CEBPZOS: variants seen among roughly 807,000 people sequenced by gnomAD.
CEBPZOS encodes protein CEBPZOS.
A neutral mutation model predicts 4.8 loss-of-function variants in CEBPZOS; 10 were observed. The observed-to-expected ratio is 2.07, with a 90% confidence interval of 1.28 to 3.52. CEBPZOS has a LOEUF of 3.52. Ranked by LOEUF, CEBPZOS falls within the 30% of genes most tolerant of loss-of-function variation. The pLI is 0.00. For synonymous variants in CEBPZOS, 25 were observed against 14.2 expected (o/e 1.77, Z -1.72); for missense variants, 98 against 43.6 (o/e 2.25, Z -3.51).
chr2:37,201,848 A>G lies in CEBPZOS; in HGVS notation c.*3-15A>G. On this transcript the variant is annotated splice_polypyrimidine_tract_variant and intron_variant, in intron 4 of 4. Transcript: ENST00000402297. ...TCTTTTTCTTGATGATACTTTTTGC[A>G]TCTCTGTTGTGTAGCCAGTCATCAC... The G allele has an allele frequency of 6.2e-7, 1 of 1,613,060 alleles. No homozygotes were observed. Among genetic ancestry groups the G allele is most frequent in the Non-Finnish European group, 8.5e-7 (1 of 1,179,328 alleles).
intron 1 of CEBPZOS, 148 bp from the exon 2 acceptor site, chr2:37,199,556 A>G: frequency 2.1e-6 from 1 of 480,588 alleles, no homozygotes; most frequent in Non-Finnish European, 3.8e-6. Flanking sequence ...TAGGATGTCT[A>G]AACCAAAAAA....
rs916819322 is a variant in CEBPZOS at position 37,202,067 on chromosome 2, T to G, written c.*207T>G. On this transcript the variant is annotated 3_prime_UTR_variant, in exon 5 of 5. Coordinates refer to ENST00000402297, the MANE Select transcript of CEBPZOS (RefSeq NM_001322374.2). Reference sequence around the variant, plus strand: ...TGTTTGTTGCTTTTCTTCTCATATTTATTGTCAAAGATAAATGTTTCAAAA... The same window carrying G: ...TGTTTGTTGCTTTTCTTCTCATATTGATTGTCAAAGATAAATGTTTCAAAA... 1.1e-5 allele frequency: 5 copies of G among 466,874 alleles called. No homozygotes were observed. The South Asian group carries it at 3.1e-4, about 29-fold the overall frequency. The allele number at this position is 466,874 out of a possible 1,614,324, so 28.9% of individuals were successfully genotyped here. A position where few individuals can be genotyped will look rare whatever the true frequency, so the allele number is the denominator to read the frequency against.
At chr2:37,209,697 C>T (rs934713414), downstream of CEBPZOS, 1 of 152,236 alleles carries the variant, frequency 6.6e-6, no homozygotes, top group East Asian at 1.9e-4. Context: ...TAGAATATAA[C>T]ATTGGAAAAA....
chr2:37,199,854 G>T (rs1326984945), intron 2 of CEBPZOS, 35 bp downstream of exon 2: 4 of 705,536 alleles, frequency 5.7e-6, no homozygotes, highest in East Asian at 2.7e-5. Context: ...CTTTCTAAAG[G>T]GGTATAGTTT....
downstream of CEBPZOS, among the ~76,000 whole-genome samples, chr2:37,215,751 T>C (rs1677851808): frequency 6.6e-6 from 1 of 152,110 alleles, no homozygotes; most frequent in South Asian, 2.1e-4. Flanking sequence ...CTGTGGGTTT[T>C]TGTGCTGCTA....
At position 37,202,769 on chromosome 2, in the gene CEBPZOS, A is replaced by T; in HGVS notation, c.*909A>T. The T allele has an allele frequency of 6.7e-7, 1 of 1,502,660 alleles. No individual in the cohort carries two copies. Among genetic ancestry groups the T allele is most frequent in the Non-Finnish European group, 9.0e-7 (1 of 1,116,696 alleles). 93.1% of individuals were successfully genotyped at this position (1,502,660 alleles called of 1,614,324 possible). A position where few individuals can be genotyped will look rare whatever the true frequency, so the allele number is the denominator to read the frequency against. ...CTATTTTTAAAACATCAATAAAAAAATTTAAGTTACTTACTTGCATTATCT... is the reference window on the plus strand; with the variant it reads ...CTATTTTTAAAACATCAATAAAAAATTTTAAGTTACTTACTTGCATTATCT... On this transcript the variant is annotated 3_prime_UTR_variant, in exon 5 of 5. Coordinates refer to ENST00000402297, the MANE Select transcript of CEBPZOS (RefSeq NM_001322374.2).
downstream of CEBPZOS, chr2:37,214,973 A>AT (rs745516897): frequency 2.7e-6 from 4 of 1,505,218 alleles, no homozygotes; most frequent in African/African-American, 5.5e-5. Context: ...AAATTTAAAC[A>AT]TTTTAACTTC....
chr2:37,213,561 G>T, exon 5 of CEBPZOS: 1 of 216,986 alleles, frequency 4.6e-6, no homozygotes, highest in Non-Finnish European at 9.3e-6. Flanking sequence ...ACAGGTGCGT[G>T]CCACCATGCC....
At chr2:37,216,158 C>T (rs772577413), downstream of CEBPZOS, 47 of 1,612,084 alleles carry the variant, frequency 2.9e-5, no homozygotes, top group Non-Finnish European at 3.6e-5. Context: ...TGACGAATAT[C>T]CTTAATAAAA....
chr2:37,211,539 TAAACTGCTA>T (rs1278176466), intron 4 of CEBPZOS: 1 of 296,876 alleles, frequency 3.4e-6, no homozygotes. Flanking sequence ...TTAACTTTTA[TAAACTGCTA>T]ATTACTATCA....
At chr2:37,215,951 T>TAAA (rs201108820), downstream of CEBPZOS, among the ~76,000 whole-genome samples, 3 of 111,518 alleles carry the variant, frequency 2.7e-5, no homozygotes, top group African/African-American at 9.9e-5. Flanking sequence ...GTAATAAAGT[T>TAAA]AAAAAAAAAA....
chr2:37,207,401 GC>G (rs1257903174), downstream of CEBPZOS, among the ~76,000 whole-genome samples: 1 of 152,110 alleles, frequency 6.6e-6, no homozygotes, highest in Non-Finnish European at 1.5e-5. Flanking sequence ...CATATGGTAG[GC>G]CACAAAACAA....
At chr2:37,199,005 A>G (rs988969983) in intron 1 of CEBPZOS, among the ~76,000 whole-genome samples, 1 of 152,092 alleles carries the variant, frequency 6.6e-6, no homozygotes, top group Non-Finnish European at 1.5e-5. Flanking sequence ...AATACAAAAA[A>G]TACAAAAAAA....
At chr2:37,212,176 G>A (rs950284176) in intron 4 of CEBPZOS, 16 of 976,638 alleles carry the variant, frequency 1.6e-5, no homozygotes, top group South Asian at 8.1e-5. Flanking sequence ...AAATAATAAC[G>A]TGCTTTATAA....
At chr2:37,199,585 C>A in intron 1 of CEBPZOS, 119 bp from the exon 2 acceptor site, 2 of 614,510 alleles carry the variant, frequency 3.3e-6, no homozygotes, top group South Asian at 2.0e-5. Flanking sequence ...TAGTATTGGT[C>A]TTACTCCCAT....
Position 37,203,283 on chromosome 2 carries a change from G to T in CEBPZOS, c.*1423G>T, listed in dbSNP as rs1677370957. ...ACTGATCGAAGTTTTACCCATAAGGGAAATAACATAGTATCAAGCAATAGT... is the reference window on the plus strand; with the variant it reads ...ACTGATCGAAGTTTTACCCATAAGGTAAATAACATAGTATCAAGCAATAGT... On this transcript the variant is annotated 3_prime_UTR_variant, in exon 5 of 5. Coordinates refer to ENST00000402297, the MANE Select transcript of CEBPZOS (RefSeq NM_001322374.2). 4.2e-6 allele frequency: 1 copy of T among 237,622 alleles called. No homozygotes were observed. The highest frequency in any genetic ancestry group is 8.0e-6 in the Non-Finnish European group (1 of 124,708). The allele number at this position is 237,622 out of a possible 1,614,324, so 14.7% of individuals were successfully genotyped here. A position where few individuals can be genotyped will look rare whatever the true frequency, so the allele number is the denominator to read the frequency against.
Position 37,202,930 on chromosome 2 carries a change from A to C in CEBPZOS, c.*1070A>C, listed in dbSNP as rs370459206. 8.8e-6 allele frequency: 14 copies of C among 1,596,134 alleles called. No individual in the cohort carries two copies. The highest frequency in any genetic ancestry group is 5.1e-6 in the Non-Finnish European group (6 of 1,170,152). On this transcript the variant is annotated 3_prime_UTR_variant, in exon 5 of 5. Coordinates refer to ENST00000402297, the MANE Select transcript of CEBPZOS (RefSeq NM_001322374.2). Reference sequence around the variant, plus strand: ...ATAATGTAGAATAGCTAGCTTGTTAAAACAGTACATTAGCCTTACCTCTTC... The same window carrying C: ...ATAATGTAGAATAGCTAGCTTGTTACAACAGTACATTAGCCTTACCTCTTC...
In CEBPZOS at chr2:37,201,648, A is replaced by G. The variant is rs747162725; in HGVS notation, c.167A>G (p.Tyr56Cys). The G allele has an allele frequency of 3.0e-5, 22 of 740,462 alleles. No individual in the cohort carries two copies. The highest frequency in any genetic ancestry group is 4.6e-5 in the Non-Finnish European group (19 of 414,460). The allele number at this position is 740,462 out of a possible 1,614,324, so 45.9% of individuals were successfully genotyped here. The change falls in exon 4 of 5, where the codon TAC (tyrosine) becomes TGC (cysteine). Residue 56 changes from tyrosine (Y) to cysteine (C), a missense_variant. Coordinates refer to ENST00000402297, the MANE Select transcript of CEBPZOS (RefSeq NM_001322374.2). The part of the protein sequence containing the change: ...KKYPFILEVY[Y>C]KSTEKSGMYG... ...GAGCTATTTTTATTTATAGTTTATTACAAATCCACTGAGAAGTCTGGAATG... is the reference window on the plus strand; with the variant it reads ...GAGCTATTTTTATTTATAGTTTATTGCAAATCCACTGAGAAGTCTGGAATG...
At chr2:37,213,106 G>GT (rs1677779960) in intron 4 of CEBPZOS, among the ~76,000 whole-genome samples, 1 of 152,040 alleles carries the variant, frequency 6.6e-6, no homozygotes, top group South Asian at 2.1e-4. Flanking sequence ...TGAAATCAGT[G>GT]TAAGTCTTTC....
Sources: allele counts gnomAD v4.1 joint callset (sites outside exome capture counted in the v4.1 genomes callset), GRCh38; gene constraint gnomAD v4.1.1; transcripts MANE v1.5; gene names NCBI Gene and HGNC (gene_info 2026-07-23, HGNC 2026-07-21).